Variants in LNP1 observed in about 807,000 individuals in gnomAD.
LNP1 encodes the protein leukemia NUP98 fusion partner 1.
Under a neutral mutation model 14.5 loss-of-function variants are expected in LNP1, and 12 were observed. The ratio of observed to expected loss-of-function variants is 0.83; its 90% CI spans 0.53 to 1.34. The LOEUF (loss-of-function observed/expected upper bound fraction) is 1.34. Among genes scored for constraint, LNP1 ranks in the 40% most tolerant of loss-of-function variants. The pLI, the probability that LNP1 is intolerant of heterozygous loss-of-function variation, is 0.00. For synonymous variants in LNP1, 75 were observed against 71.4 expected, an observed-to-expected ratio of 1.05 and a Z score of -0.26; for missense variants, 198 against 210.9, an observed-to-expected ratio of 0.94 and a Z score of 0.38.
At position 100,429,896 on chromosome 3, in the gene LNP1, G is replaced by A; in HGVS notation, c.156+11G>A. On this transcript the variant is annotated intron_variant, in intron 2 of 3. Coordinates refer to ENST00000383693, the MANE Select transcript of LNP1 (RefSeq NM_001085451.2). ...TCCCTGCCCTGCCCAGTGAGTGATT[G>A]TCATGGAACCGGAGGGGAGAGCTGG... 1 of 1,611,294 alleles carries A rather than the reference G, an allele frequency of 6.2e-7. No individual in the cohort carries two copies. The highest frequency in any genetic ancestry group is 1.3e-5 in the African/African-American group (1 of 74,896).
chr3:100,446,658 G>C (rs551336358), intron 2 of LNP1, among the ~76,000 whole-genome samples: 37 of 152,144 alleles, frequency 2.4e-4, no homozygotes, highest in African/African-American at 7.5e-4. Flanking sequence ...TCAGAGTGAA[G>C]AGGCAACCTA....
rs546401752 is a variant in LNP1 at position 100,432,477 on chromosome 3, G to C, written c.156+2592G>C. Among the ~76,000 whole-genome samples the C allele has an allele frequency of 2.6e-5, 4 of 152,134 alleles. No homozygotes were observed. The East Asian group carries it at 7.7e-4, about 29-fold the overall frequency. ...AGTCCCCACACTTGTGGGACTGTCA[G>C]TCTAGTAGAAAATACAAATTTGGCA... On this transcript the variant is annotated intron_variant, in intron 2 of 3. Coordinates refer to ENST00000383693, the MANE Select transcript of LNP1 (RefSeq NM_001085451.2).
intron 1 of LNP1, among the ~76,000 whole-genome samples, chr3:100,408,878 CTTA>C (rs1706997500): frequency 6.6e-6 from 1 of 152,122 alleles, no homozygotes; most frequent in South Asian, 2.1e-4. Flanking sequence ...TGTGTCTTTT[CTTA>C]TTATTATGCT....
intron 1 of LNP1, among the ~76,000 whole-genome samples, chr3:100,408,842 A>G (rs1261888507): frequency 6.6e-6 from 1 of 152,206 alleles, no homozygotes; most frequent in Non-Finnish European, 1.5e-5. Flanking sequence ...TGGGTAATGT[A>G]AAACTGTTCT....
intron 2 of LNP1, among the ~76,000 whole-genome samples, chr3:100,445,809 A>G (rs757837865): frequency 3.9e-5 from 6 of 152,180 alleles, no homozygotes; most frequent in African/African-American, 7.2e-5. Context: ...CCATTAACAG[A>G]CAAACAGAGA....
intron 1 of LNP1, among the ~76,000 whole-genome samples, chr3:100,407,236 T>C (rs1706978940): frequency 6.6e-6 from 1 of 152,214 alleles, no homozygotes; most frequent in South Asian, 2.1e-4. Context: ...TCCTTTCAGC[T>C]TGAAGAACAC....
rs1388239116 is a variant in LNP1, at chr3:100,402,090, C to T, written c.-383C>T. 1 of 152,222 alleles carries T rather than the reference C, an allele frequency of 6.6e-6. No homozygotes were observed. The highest frequency in any genetic ancestry group is 1.9e-4 in the East Asian group (1 of 5,202). The allele number at this position is 152,222 out of a possible 1,614,324, so 9.4% of individuals were successfully genotyped here. A position where few individuals can be genotyped will look rare whatever the true frequency, so the allele number is the denominator to read the frequency against. On this transcript the variant is annotated 5_prime_UTR_variant, in exon 1 of 4. Coordinates refer to ENST00000383693, the MANE Select transcript of LNP1 (RefSeq NM_001085451.2). ...GTAATTTCAGTTCACAGCTTTTTAT[C>T]TATAATAGCTTTATCAACTCTTTTT...
At chr3:100,416,597 TTTTGTGTGTGTGTGTGTGTGTGTGTGTG>T (rs1707086023) in intron 1 of LNP1, among the ~76,000 whole-genome samples, 2 of 110,584 alleles carry the variant, frequency 1.8e-5, no homozygotes, top group African/African-American at 6.2e-5. Context: ...AGTATATCTT[TTTTGTGTGTGTGTGTGTGTGTGTGTGTG>T]TGTGTGTGTG....
chr3:100,456,027 G>GT lies in LNP1; in HGVS notation c.*102dup. ...GATGTGGATGGGGGCGGGGTTGGGG[G>GT]TAAAAACAGCTATAAAAAGCAACTG... On this transcript the variant is annotated 3_prime_UTR_variant, in exon 4 of 4. Coordinates refer to ENST00000383693, the MANE Select transcript of LNP1 (RefSeq NM_001085451.2). 3 of 1,325,006 alleles carry GT rather than the reference G, an allele frequency of 2.3e-6. No individual in the cohort carries two copies. The highest frequency in any genetic ancestry group is 2.3e-5 in the East Asian group (1 of 42,876). The allele number at this position is 1,325,006 out of a possible 1,614,324, so 82.1% of individuals were successfully genotyped here.
intron 1 of LNP1, among the ~76,000 whole-genome samples, chr3:100,425,093 C>G (rs914283590): frequency 6.6e-6 from 1 of 152,148 alleles, no homozygotes; most frequent in African/African-American, 2.4e-5. Context: ...TGGGCTGAGG[C>G]AGGCCAAGAT....
intron 1 of LNP1, among the ~76,000 whole-genome samples, chr3:100,415,626 C>A (rs779666637): frequency 1.1e-4 from 16 of 152,146 alleles, no homozygotes; most frequent in Admixed American, 2.6e-4. Flanking sequence ...TACCTCCAAT[C>A]CAGAAATTTC....
At chr3:100,428,399 G>A (rs928427368) in intron 1 of LNP1, among the ~76,000 whole-genome samples, 23 of 152,122 alleles carry the variant, frequency 1.5e-4, no homozygotes, top group South Asian at 6.2e-4. Flanking sequence ...GGGCTTGGTG[G>A]TGGGTGCCCG....
intron 1 of LNP1, among the ~76,000 whole-genome samples, chr3:100,409,606 A>ATATTTTT (rs1429906485): frequency 3.2e-5 from 4 of 124,434 alleles, no homozygotes; most frequent in African/African-American, 1.3e-4. Context: ...ATATATATAT[A>ATATTTTT]TTTTTTTTTT....
chr3:100,455,696 C>G, intron 3 of LNP1, 81 bp from the exon 4 acceptor site: 2 of 1,366,608 alleles, frequency 1.5e-6, no homozygotes, highest in Non-Finnish European at 2.1e-6. Context: ...AGGGCTTTCT[C>G]CATGTCTGAT....
chr3:100,409,264 C>T (rs1707001125), intron 1 of LNP1, among the ~76,000 whole-genome samples: 1 of 151,796 alleles, frequency 6.6e-6, no homozygotes, highest in Non-Finnish European at 1.5e-5. Flanking sequence ...GGTGTAGAGC[C>T]TAGTGACTTT....
intron 1 of LNP1, among the ~76,000 whole-genome samples, chr3:100,426,638 T>G (rs1707195528): frequency 6.6e-6 from 1 of 152,328 alleles, no homozygotes; most frequent in South Asian, 2.1e-4. Context: ...TTTTTAAAAT[T>G]CAAAAGGTGT....
At chr3:100,455,346 A>G (rs920963769) in intron 3 of LNP1, among the ~76,000 whole-genome samples, 4 of 152,216 alleles carry the variant, frequency 2.6e-5, no homozygotes, top group African/African-American at 9.6e-5. Context: ...TTCTTCCCAC[A>G]GTCCTCACAT....
intron 2 of LNP1, among the ~76,000 whole-genome samples, chr3:100,431,677 TATC>T (rs1422310884): frequency 6.6e-6 from 1 of 152,016 alleles, no homozygotes; most frequent in Non-Finnish European, 1.5e-5. Flanking sequence ...GAATACTTTC[TATC>T]TCTAAAATGT....
Position 100,455,960 on chromosome 3 carries a change from C to T in LNP1, c.*34C>T, listed in dbSNP as rs1707507194. ...TTCTGCCTCATGACATCAGATGCTA[C>T]TGTTTTGGTTTTTTTCTTTGAGCCC... On this transcript the variant is annotated 3_prime_UTR_variant, in exon 4 of 4. Transcript: ENST00000383693. The T allele has an allele frequency of 6.3e-7, 1 of 1,577,922 alleles. No individual in the cohort carries two copies. The highest frequency in any genetic ancestry group is 2.0e-5 in the Admixed American group (1 of 50,842).
Sources: gnomAD v4.1 joint callset for allele counts (sites outside exome capture counted in the v4.1 genomes callset) on GRCh38, gnomAD v4.1.1 for gene constraint, MANE v1.5 for transcripts, NCBI Gene and HGNC (gene_info 2026-07-23, HGNC 2026-07-21) for gene names.